Variants in CHST12 observed in about 807,000 individuals in gnomAD.
The protein encoded by CHST12 is carbohydrate sulfotransferase 12, also known as carbohydrate (chondroitin 4) sulfotransferase 12.
In CHST12, 23 loss-of-function variants were observed where a neutral mutation model predicts 27.9. The ratio of observed to expected loss-of-function variants is 0.82; its 90% CI spans 0.59 to 1.17. CHST12 has a LOEUF of 1.17. CHST12 is among the 50% of genes most tolerant of loss of function. The pLI is 0.00. For missense variants in CHST12, 682 were observed against 603.0 expected, an observed-to-expected ratio of 1.13 and a Z score of -1.37; for synonymous variants, 322 against 273.0, an observed-to-expected ratio of 1.18 and a Z score of -1.77.
chr7:2,407,400 A>G lies in CHST12; in HGVS notation c.-78+3727A>G, dbSNP rs533730195. 5.3e-5 allele frequency among the ~76,000 whole-genome samples: 8 copies of G among 152,236 alleles called. No individual in the cohort carries two copies. The East Asian group carries it at 1.5e-3, about 29-fold the overall frequency. ...GAGTTTGAGGCTGCAGTGAGCTGTG[A>G]TCATGCCACTGCCATCCAGCCTGGG... On this transcript the variant is annotated intron_variant, in intron 1 of 1. Transcript: ENST00000618655.
Position 2,444,372 on chromosome 7 carries a change from A to G in CHST12, c.*10488A>G, listed in dbSNP as rs1376356288. The stretch of plus-strand genomic sequence containing the variant: ...TCCCAGCTACTGAGGAGGCTGAGGC[A>G]TGAGATTCGCTTGAGCCTGGGAGGC... On this transcript the variant is annotated 3_prime_UTR_variant, in exon 2 of 2. Coordinates refer to ENST00000618655, the MANE Select transcript of CHST12 (RefSeq NM_018641.5). The G allele has an allele frequency of 6.6e-6, 1 of 151,878 alleles. No individual in the cohort carries two copies. Among genetic ancestry groups the G allele is most frequent in the Non-Finnish European group, 1.5e-5 (1 of 68,094 alleles). 9.4% of individuals were successfully genotyped at this position (151,878 alleles called of 1,614,324 possible). A position where few individuals can be genotyped will look rare whatever the true frequency, so the allele number is the denominator to read the frequency against.
intron 1 of CHST12, among the ~76,000 whole-genome samples, chr7:2,432,235 G>T (rs750010863): frequency 1.9e-4 from 29 of 149,060 alleles, no homozygotes; most frequent in Non-Finnish European, 2.5e-4. Context: ...CCTGGAGCTG[G>T]TCTCCACTCC....
In CHST12 at chr7:2,446,888, C is replaced by T. The variant is rs1220951547; in HGVS notation, c.*13004C>T. On this transcript the variant is annotated 3_prime_UTR_variant, in exon 2 of 2. Transcript: ENST00000618655. The stretch of plus-strand genomic sequence containing the variant: ...GCAACCCCTCCAGGTGGATCCGTCC[C>T]ACGCAGCCTGGCCTGAAACACTGCC... 6.6e-6 allele frequency: 1 copy of T among 152,362 alleles called. No homozygotes were observed. The highest frequency in any genetic ancestry group is 1.9e-4 in the East Asian group (1 of 5,190). 9.4% of individuals were successfully genotyped at this position (152,362 alleles called of 1,614,324 possible). A position where few individuals can be genotyped will look rare whatever the true frequency, so the allele number is the denominator to read the frequency against.
chr7:2,435,201 G>C lies in CHST12; in HGVS notation c.*1317G>C, dbSNP rs1159051193. 2 of 152,298 alleles carry C rather than the reference G, an allele frequency of 1.3e-5. No individual in the cohort carries two copies. Among genetic ancestry groups the C allele is most frequent in the African/African-American group, 4.8e-5 (2 of 41,458 alleles). The allele number at this position is 152,298 out of a possible 1,614,324, so 9.4% of individuals were successfully genotyped here. The stretch of plus-strand genomic sequence containing the variant: ...ACTGCACTCCAGCCTGGGCAGCAAA[G>C]TGAGACTCTGTTTCTAAATAGACAG... On this transcript the variant is annotated 3_prime_UTR_variant, in exon 2 of 2. Transcript: ENST00000618655.
chr7:2,404,194 G>T (rs1004642), intron 1 of CHST12: 8,449 of 152,416 alleles, frequency 0.055, 288 homozygotes, highest in East Asian at 0.16. Context: ...GCAGACGCCA[G>T]CAGCACCGGC....
At chr7:2,412,249 C>T (rs1427199471) in intron 1 of CHST12, among the ~76,000 whole-genome samples, 1 of 152,136 alleles carries the variant, frequency 6.6e-6, no homozygotes, top group Non-Finnish European at 1.5e-5. Flanking sequence ...AAACCATAGT[C>T]CTGGAGGTAC....
intron 1 of CHST12, among the ~76,000 whole-genome samples, chr7:2,430,253 T>G (rs1160485312): frequency 6.6e-6 from 1 of 152,160 alleles, no homozygotes; most frequent in Non-Finnish European, 1.5e-5. Context: ...TTTCTGTTAT[T>G]GATTTCTAGT....
rs1782672247 is a variant in CHST12, at chr7:2,443,586, T to C, written c.*9702T>C. The stretch of plus-strand genomic sequence containing the variant: ...AATTTTTGGAGGAATTGAATTTCAA[T>C]TCTTATTATTACCAAAAATACTTAA... On this transcript the variant is annotated 3_prime_UTR_variant, in exon 2 of 2. Coordinates refer to ENST00000618655, the MANE Select transcript of CHST12 (RefSeq NM_018641.5). The C allele has an allele frequency of 6.6e-6, 1 of 152,186 alleles. No homozygotes were observed. The highest frequency in any genetic ancestry group is 1.5e-5 in the Non-Finnish European group (1 of 68,040). 9.4% of individuals were successfully genotyped at this position (152,186 alleles called of 1,614,324 possible).
chr7:2,411,490 C>CTTTTTTTTTTTTTTTTTTTTTTTTT lies in CHST12; in HGVS notation c.-78+7835_-78+7836insTTTTTTTTTTTTTTTTTTTTTTTTT, dbSNP rs79743047. Among the ~76,000 whole-genome samples, 2 of 87,544 alleles carry CTTTTTTTTTTTTTTTTTTTTTTTTT rather than the reference C, an allele frequency of 2.3e-5. 1 individual carries two copies. The highest frequency in any genetic ancestry group is 9.5e-5 in the African/African-American group (2 of 21,016). 57.4% of individuals were successfully genotyped at this position (87,544 alleles called of 152,430 possible). On this transcript the variant is annotated intron_variant, in intron 1 of 1. Coordinates refer to ENST00000618655, the MANE Select transcript of CHST12 (RefSeq NM_018641.5). ...ATAATTTCTTTGAGTTAACTTAACTCTTTTTTTTTTTTTTTTTTGAGACGG... is the reference window on the plus strand; with the variant it reads ...ATAATTTCTTTGAGTTAACTTAACTCTTTTTTTTTTTTTTTTTTTTTTTTTTTTTTTTTTTTTTTTTTTGAGACGG...
intron 1 of CHST12, among the ~76,000 whole-genome samples, chr7:2,414,541 T>TC (rs1239821072): frequency 6.6e-6 from 1 of 152,206 alleles, no homozygotes; most frequent in Non-Finnish European, 1.5e-5. Context: ...CTTCTCGGCC[T>TC]CCCAAAGTGC....
At position 2,433,747 on chromosome 7, in the gene CHST12, A is replaced by C; in HGVS notation, c.1108A>C (p.Asn370His). 6.2e-7 allele frequency: 1 copy of C among 1,613,830 alleles called. No homozygotes were observed. Among genetic ancestry groups the C allele is most frequent in the Non-Finnish European group, 8.5e-7 (1 of 1,180,008 alleles). ...GCTCCGCTTCCCCCCGAGCTACCGG[A>C]ACAGGACCGCCAGCAGCTGGGAGGA... is the stretch of plus-strand genomic sequence containing the variant. The part of the protein sequence containing the change: ...RQLRFPPSYR[N>H]RTASSWEEDW... Residue 370 changes from asparagine (N) to histidine (H), a missense_variant, in exon 2 of 2, where the codon AAC becomes CAC. Physicochemically the swap from Asn to His is moderately conservative, Grantham distance 68. Transcript: ENST00000618655. The surrounding 1 kb of genome is among the most constrained non-coding windows in gnomAD (Gnocchi z 6.1).
chr7:2,407,803 G>T (rs1408596742), intron 1 of CHST12, among the ~76,000 whole-genome samples: 2 of 152,082 alleles, frequency 1.3e-5, no homozygotes, highest in African/African-American at 4.8e-5. Context: ...GGTGGTGGGT[G>T]CCTGTAATCC....
At position 2,434,735 on chromosome 7, in the gene CHST12, C is replaced by G. The variant is rs1014548879; in HGVS notation, c.*851C>G. ...TGAGCTGAGATCGCGACATTGCACT[C>G]TAGCCTGGGTGACAGAGTGAGATTC... On this transcript the variant is annotated 3_prime_UTR_variant, in exon 2 of 2. Coordinates refer to ENST00000618655, the MANE Select transcript of CHST12 (RefSeq NM_018641.5). 4 of 151,758 alleles carry G rather than the reference C, an allele frequency of 2.6e-5. No homozygotes were observed. Among genetic ancestry groups the G allele is most frequent in the African/African-American group, 9.7e-5 (4 of 41,188 alleles). 9.4% of individuals were successfully genotyped at this position (151,758 alleles called of 1,614,324 possible).
chr7:2,404,634 G>A (rs1219810334), intron 1 of CHST12, among the ~76,000 whole-genome samples: 1 of 152,222 alleles, frequency 6.6e-6, no homozygotes, highest in Non-Finnish European at 1.5e-5. Context: ...TGAGCATCTG[G>A]TGTTGGGAGT....
chr7:2,414,824 T>A (rs1046059365), intron 1 of CHST12, among the ~76,000 whole-genome samples: 7 of 152,198 alleles, frequency 4.6e-5, no homozygotes, highest in Admixed American at 6.6e-5. Context: ...AGGTTCATTC[T>A]TTTTCATGCA....
In CHST12 at chr7:2,430,277, A is replaced by G. The variant is rs190885429; in HGVS notation, c.-77-2286A>G. On this transcript the variant is annotated intron_variant, in intron 1 of 1. Coordinates refer to ENST00000618655, the MANE Select transcript of CHST12 (RefSeq NM_018641.5). ...TTGATTTCTAGTTTTATTCCTTTAT[A>G]TAAAATATTTCAATTCTTTTATTTT... Among the ~76,000 whole-genome samples the G allele has an allele frequency of 2.8e-3, 427 of 152,014 alleles. 3 individuals are homozygous for G. The highest frequency in any genetic ancestry group is 9.3e-3 in the African/African-American group (387 of 41,490).
chr7:2,406,981 T>TA (rs760882299), intron 1 of CHST12, among the ~76,000 whole-genome samples: 2 of 147,912 alleles, frequency 1.4e-5, no homozygotes, highest in Admixed American at 6.8e-5. Context: ...CAGGAAGCTC[T>TA]AAAAAAAAGC....
intron 1 of CHST12, among the ~76,000 whole-genome samples, chr7:2,417,050 A>G (rs1402446826): frequency 6.6e-6 from 1 of 152,072 alleles, no homozygotes; most frequent in African/African-American, 2.4e-5. Flanking sequence ...TTCTTTTGCA[A>G]TGTGTATACA....
chr7:2,430,612 C>T (rs1217734243), intron 1 of CHST12, among the ~76,000 whole-genome samples: 2 of 152,018 alleles, frequency 1.3e-5, no homozygotes, highest in East Asian at 3.8e-4. Context: ...GCCACCATGC[C>T]CAGCCTAAAT....
Sources: gnomAD v4.1 joint callset for allele counts (sites outside exome capture counted in the v4.1 genomes callset) on GRCh38, gnomAD v4.1.1 for gene constraint, Gnocchi (gnomAD v3.1) non-coding constraint, MANE v1.5 for transcripts, NCBI Gene and HGNC (gene_info 2026-07-23, HGNC 2026-07-21) for gene names.